ETV6: variants seen among roughly 807,000 people sequenced by gnomAD.
The protein encoded by ETV6 is transcription factor ETV6.
Under a neutral mutation model 51.1 loss-of-function variants are expected in ETV6, and 16 were observed. The ratio of observed to expected loss-of-function variants is 0.31; its 90% CI spans 0.21 to 0.48. ETV6 has a LOEUF of 0.48. ETV6 is among the 20% of genes least tolerant of loss of function. ETV6 has a pLI of 0.99. For missense variants in ETV6, 458 were observed against 594.8 expected (o/e 0.77, Z 2.39); for synonymous variants, 240 against 224.1 (o/e 1.07, Z -0.64).
chr12:11,739,329 G>A (rs2724645), intron 1 of ETV6, among the ~76,000 whole-genome samples: 69,292 of 152,048 alleles, frequency 0.46, 19,089 homozygotes, highest in Admixed American at 0.61. Context: ...CTGAAAGGAT[G>A]GGGAATAGTG....
chr12:11,842,692 T>C (rs1274344905), intron 3 of ETV6, among the ~76,000 whole-genome samples: 2 of 152,186 alleles, frequency 1.3e-5, no homozygotes, highest in Admixed American at 6.5e-5. Flanking sequence ...CAGGGAAATA[T>C]GATTGGAGCT....
At chr12:11,692,547 T>G (rs2120801462) in intron 1 of ETV6, among the ~76,000 whole-genome samples, 1 of 152,236 alleles carries the variant, frequency 6.6e-6, no homozygotes, top group South Asian at 2.1e-4. Flanking sequence ...GACTTCATCT[T>G]ATGTTAAATT....
At chr12:11,711,310 G>A (rs944292150) in intron 1 of ETV6, among the ~76,000 whole-genome samples, 3 of 152,172 alleles carry the variant, frequency 2.0e-5, no homozygotes, top group Admixed American at 2.0e-4. Flanking sequence ...CTGTTGAGAT[G>A]GAGTCTCACT....
At chr12:11,725,621 G>C (rs1417544851) in intron 1 of ETV6, among the ~76,000 whole-genome samples, 2 of 152,300 alleles carry the variant, frequency 1.3e-5, no homozygotes, top group African/African-American at 4.8e-5. Flanking sequence ...GTTGAGACCT[G>C]ATCTCCAGTG....
chr12:11,734,567 G>A (rs141494415), intron 1 of ETV6, among the ~76,000 whole-genome samples: 34 of 150,812 alleles, frequency 2.3e-4, no homozygotes, highest in African/African-American at 8.3e-4. Context: ...TACCATATCT[G>A]TATGTCTATA....
At chr12:11,801,747 G>A (rs926762958) in intron 2 of ETV6, among the ~76,000 whole-genome samples, 1 of 149,288 alleles carries the variant, frequency 6.7e-6, no homozygotes, top group African/African-American at 2.5e-5. Flanking sequence ...ATAGGCTAAG[G>A]GTGGAGGTAG....
Position 11,656,992 on chromosome 12 carries a change from C to A in ETV6, c.33+6832C>A, listed in dbSNP as rs150460966. ...CAAAAGGAATCATCTTTTTTTGACT[C>A]CTGTCTCGATGGCTTGACCCAACTC... On this transcript the variant is annotated intron_variant, in intron 1 of 7. Transcript: ENST00000396373. 4.3e-3 allele frequency among the ~76,000 whole-genome samples: 660 copies of A among 152,050 alleles called. 6 individuals are homozygous for A. Among genetic ancestry groups the A allele is most frequent in the African/African-American group, 0.015 (635 of 41,470 alleles).
chr12:11,862,089 A>C (rs1946726027), intron 4 of ETV6, among the ~76,000 whole-genome samples: 1 of 152,220 alleles, frequency 6.6e-6, no homozygotes, highest in Admixed American at 6.5e-5. Flanking sequence ...CCAGGCCTGC[A>C]GTAATGAAGA....
At chr12:11,717,511 G>A (rs1306050961) in intron 1 of ETV6, among the ~76,000 whole-genome samples, 1 of 152,172 alleles carries the variant, frequency 6.6e-6, no homozygotes, top group Non-Finnish European at 1.5e-5. Context: ...GTGTAATACA[G>A]TAACGCTATG....
chr12:11,778,373 A>C (rs1044386598), intron 2 of ETV6, among the ~76,000 whole-genome samples: 2 of 152,160 alleles, frequency 1.3e-5, no homozygotes, highest in Non-Finnish European at 2.9e-5. Flanking sequence ...ACTTGAGGAG[A>C]GGTGTCCCTA....
intron 1 of ETV6, among the ~76,000 whole-genome samples, chr12:11,690,581 ACT>A (rs1041120661): frequency 2.0e-5 from 3 of 151,804 alleles, no homozygotes; most frequent in African/African-American, 7.3e-5. Context: ...ACGGAGCAAG[ACT>A]CTGTCTCTAA....
chr12:11,804,974 A>G (rs754647989), intron 2 of ETV6, among the ~76,000 whole-genome samples: 15 of 152,172 alleles, frequency 9.9e-5, no homozygotes, highest in Non-Finnish European at 1.8e-4. Context: ...ATTTCCACTG[A>G]GTTCCCCTAT....
intron 1 of ETV6, among the ~76,000 whole-genome samples, chr12:11,720,445 C>A (rs1865361476): frequency 6.6e-6 from 1 of 152,182 alleles, no homozygotes. Context: ...ATAAAAATTT[C>A]TTGCTCAAGG....
intron 7 of ETV6, among the ~76,000 whole-genome samples, chr12:11,889,305 C>A (rs1218560544): frequency 6.6e-6 from 1 of 152,104 alleles, no homozygotes; most frequent in Non-Finnish European, 1.5e-5. Context: ...GATTGATAGG[C>A]TTCCAATAAA....
chr12:11,872,168 A>G (rs1946889723), intron 5 of ETV6, among the ~76,000 whole-genome samples: 1 of 152,236 alleles, frequency 6.6e-6, no homozygotes, highest in Admixed American at 6.5e-5. Context: ...TGGAAGGGTC[A>G]TTTGTACAGG....
chr12:11,662,363 A>G (rs547673690), intron 1 of ETV6, among the ~76,000 whole-genome samples: 102 of 152,362 alleles, frequency 6.7e-4, no homozygotes, highest in African/African-American at 2.3e-3. Flanking sequence ...GCCCAGTGGC[A>G]CAAATCACTA....
intron 2 of ETV6, among the ~76,000 whole-genome samples, chr12:11,834,557 T>C (rs1237471756): frequency 6.6e-6 from 1 of 152,246 alleles, no homozygotes; most frequent in East Asian, 1.9e-4. Flanking sequence ...TGAGGTAATA[T>C]GTATGAAAGC....
At chr12:11,854,905 C>A (rs1450297536) in intron 4 of ETV6, among the ~76,000 whole-genome samples, 2 of 152,104 alleles carry the variant, frequency 1.3e-5, no homozygotes, top group Non-Finnish European at 2.9e-5. Context: ...CCCAGTTGTT[C>A]CTCTTAATCA....
chr12:11,862,766 C>T (rs1302900579), intron 4 of ETV6, among the ~76,000 whole-genome samples: 1 of 152,162 alleles, frequency 6.6e-6, no homozygotes, highest in Non-Finnish European at 1.5e-5. Flanking sequence ...CCTGAGGGTA[C>T]TAGGGGTTAG....
Sources: allele counts gnomAD v4.1 joint callset (sites outside exome capture counted in the v4.1 genomes callset), GRCh38; gene constraint gnomAD v4.1.1; transcripts MANE v1.5; gene names NCBI Gene and HGNC (gene_info 2026-07-23, HGNC 2026-07-21).